NUP35: variants seen among roughly 807,000 people sequenced by gnomAD.
NUP35 encodes nucleoporin NUP35.
In NUP35, 25 loss-of-function variants were observed where a neutral mutation model predicts 41.5. That is an observed-to-expected ratio of 0.60 (90% CI 0.44 to 0.84). The LOEUF (loss-of-function observed/expected upper bound fraction) is 0.84. Among genes scored for constraint, NUP35 ranks in the 40% least tolerant of loss-of-function variants. The pLI is 0.00. For synonymous variants in NUP35, 149 were observed against 130.7 expected, an observed-to-expected ratio of 1.14 and a Z score of -0.96; for missense variants, 396 against 396.6, an observed-to-expected ratio of 1.00 and a Z score of 0.01.
At chr2:183,130,683 C>A in intron 3 of NUP35, 138 bp downstream of exon 3, 2 of 948,984 alleles carry the variant, frequency 2.1e-6, no homozygotes, top group Non-Finnish European at 3.2e-6. Context: ...ACATTAAACA[C>A]ATCATAGAAT....
At chr2:183,125,432 AAG>A (rs1199850643) in intron 1 of NUP35, among the ~76,000 whole-genome samples, 2 of 152,156 alleles carry the variant, frequency 1.3e-5, no homozygotes, top group African/African-American at 4.8e-5. Flanking sequence ...ATGGTGTGGA[AAG>A]AGTCTTTAGA....
intron 3 of NUP35, among the ~76,000 whole-genome samples, chr2:183,132,548 C>A (rs1684735646): frequency 6.6e-6 from 1 of 151,984 alleles, no homozygotes; most frequent in Non-Finnish European, 1.5e-5. Flanking sequence ...CAGAGTGAGA[C>A]CCTGTCTCAA....
chr2:183,126,255 C>T (rs1011409993), intron 1 of NUP35, among the ~76,000 whole-genome samples: 2 of 152,248 alleles, frequency 1.3e-5, no homozygotes, highest in African/African-American at 2.4e-5. Context: ...TGGTCTCGAA[C>T]TGAGCTCGAG....
upstream of NUP35, among the ~76,000 whole-genome samples, chr2:183,121,709 C>A (rs1700069667): frequency 6.6e-6 from 1 of 151,570 alleles, no homozygotes; most frequent in Non-Finnish European, 1.5e-5. Flanking sequence ...TGGTGGCATG[C>A]GCCTGTACTC....
intron 4 of NUP35, among the ~76,000 whole-genome samples, chr2:183,138,208 G>T (rs1684949579): frequency 7.0e-6 from 1 of 143,486 alleles, no homozygotes; most frequent in African/African-American, 2.6e-5. Context: ...GAATTGACAG[G>T]AAAATTGAGG....
At chr2:183,134,208 T>A (rs1052324556) in intron 4 of NUP35, among the ~76,000 whole-genome samples, 2 of 152,254 alleles carry the variant, frequency 1.3e-5, no homozygotes, top group African/African-American at 2.4e-5. Context: ...TATAATCCCA[T>A]CAAATGTTTA....
chr2:183,125,490 C>T (rs933846301), intron 1 of NUP35, among the ~76,000 whole-genome samples: 34 of 152,078 alleles, frequency 2.2e-4, no homozygotes, highest in African/African-American at 8.0e-4. Flanking sequence ...AAAATAAGTT[C>T]TTTTTGAGAA....
At chr2:183,138,105 T>C (rs1349736787) in intron 4 of NUP35, among the ~76,000 whole-genome samples, 2 of 151,864 alleles carry the variant, frequency 1.3e-5, no homozygotes, top group East Asian at 1.9e-4. Flanking sequence ...AAAGTCTTAA[T>C]GGGGTATAAG....
Position 183,152,714 on chromosome 2 carries a change from A to G in NUP35, c.539+1065A>G, listed in dbSNP as rs569897090. On this transcript the variant is annotated intron_variant, in intron 5 of 8. Coordinates refer to ENST00000295119, the MANE Select transcript of NUP35 (RefSeq NM_138285.5). ...TAAAACTCCTTAGAGATCATATTGT[A>G]TAATGTTTTATTTTACAGGTGAGGA... is the stretch of plus-strand genomic sequence containing the variant. 5.9e-5 allele frequency among the ~76,000 whole-genome samples: 9 copies of G among 152,288 alleles called. No homozygotes were observed. The East Asian group carries it at 1.4e-3, about 23-fold the overall frequency.
chr2:183,130,509 A>G lies in NUP35; in HGVS notation c.303A>G (p.Pro101=). The G allele has an allele frequency of 6.2e-7, 1 of 1,612,726 alleles. No individual in the cohort carries two copies. Residue 101 remains proline (P), a synonymous_variant, in exon 3 of 9, where the codon CCA becomes CCG. Transcript: ENST00000295119. ...VRSIYDDISS[P]GLGSTPLTSR... ...GTATATATGATGACATTTCTAGCCC[A>G]GGACTTGGATCAACACCTTTAACTT...
chr2:183,126,796 A>G (rs1376894634), intron 1 of NUP35, among the ~76,000 whole-genome samples: 1 of 152,256 alleles, frequency 6.6e-6, no homozygotes, highest in Non-Finnish European at 1.5e-5. Flanking sequence ...ATAAAAAACC[A>G]TACAAATAAC....
chr2:183,117,998 A>G (rs1700011490), intron 1 of NUP35, among the ~76,000 whole-genome samples: 1 of 152,154 alleles, frequency 6.6e-6, no homozygotes, highest in African/African-American at 2.4e-5. Context: ...GAGTTGCGAT[A>G]CTTGGCAGTT....
chr2:183,148,067 C>T (rs1351697185), intron 4 of NUP35, among the ~76,000 whole-genome samples: 4 of 152,120 alleles, frequency 2.6e-5, no homozygotes, highest in Non-Finnish European at 5.9e-5. Flanking sequence ...TGATGTTTGT[C>T]TTTCTGTGCC....
intron 1 of NUP35, among the ~76,000 whole-genome samples, chr2:183,126,280 C>T (rs928358274): frequency 2.6e-5 from 4 of 152,228 alleles, no homozygotes; most frequent in African/African-American, 7.2e-5. Flanking sequence ...CCACCTGCCT[C>T]GGCCTCCCAA....
chr2:183,151,369 T>G, intron 4 of NUP35, 139 bp from the exon 5 acceptor site: 1 of 642,018 alleles, frequency 1.6e-6, no homozygotes, highest in Non-Finnish European at 2.6e-6. Context: ...AAATTGCTAT[T>G]TGACCACAGT....
chr2:183,144,849 A>AT (rs1685222436), intron 4 of NUP35, among the ~76,000 whole-genome samples: 1 of 152,186 alleles, frequency 6.6e-6, no homozygotes, highest in Admixed American at 6.5e-5. Flanking sequence ...AAGTAATTAT[A>AT]TTTTTCAGAG....
chr2:183,124,758 C>A (rs1203777966), intron 1 of NUP35, among the ~76,000 whole-genome samples: 1 of 152,150 alleles, frequency 6.6e-6, no homozygotes, highest in Non-Finnish European at 1.5e-5. Flanking sequence ...TGTGTTTGTG[C>A]CCCCACACGC....
At chr2:183,153,164 G>C (rs145578357) in intron 5 of NUP35, among the ~76,000 whole-genome samples, 1 of 152,128 alleles carries the variant, frequency 6.6e-6, no homozygotes, top group South Asian at 2.1e-4. Context: ...ACCTCTCCCT[G>C]GGTTCCTCCC....
intron 3 of NUP35, among the ~76,000 whole-genome samples, chr2:183,132,266 C>T (rs1268509285): frequency 1.3e-5 from 2 of 152,074 alleles, no homozygotes; most frequent in South Asian, 2.1e-4. Flanking sequence ...AAGTAATCCA[C>T]CTTCCTTGGC....
Sources: allele counts gnomAD v4.1 joint callset (sites outside exome capture counted in the v4.1 genomes callset), GRCh38; gene constraint gnomAD v4.1.1; transcripts MANE v1.5; gene names NCBI Gene and HGNC (gene_info 2026-07-23, HGNC 2026-07-21).